RTN1: variants seen among roughly 807,000 people sequenced by gnomAD.
The protein encoded by RTN1 is reticulon-1.
RTN1 carries 25 observed loss-of-function variants against 65.5 expected under a neutral mutation model. The ratio of observed to expected loss-of-function variants is 0.38; its 90% CI spans 0.28 to 0.53. The LOEUF (loss-of-function observed/expected upper bound fraction) is 0.53. Among genes scored for constraint, RTN1 ranks in the 20% least tolerant of loss-of-function variants. RTN1 has a pLI of 0.79. For synonymous variants in RTN1, 471 were observed against 447.6 expected (o/e 1.05, Z -0.66); for missense variants, 983 against 1,025.4 (o/e 0.96, Z 0.57).
chr14:59,672,131 G>C (rs1883518459), intron 3 of RTN1, among the ~76,000 whole-genome samples: 1 of 152,090 alleles, frequency 6.6e-6, no homozygotes, highest in African/African-American at 2.4e-5. Flanking sequence ...CCCTGGCTTT[G>C]CTACTTATCA....
intron 1 of RTN1, among the ~76,000 whole-genome samples, chr14:59,806,205 C>T (rs1320357511): frequency 1.3e-5 from 2 of 151,716 alleles, no homozygotes; most frequent in African/African-American, 4.8e-5. Context: ...CACTGCACTC[C>T]AGCCTGGTGA....
In RTN1 at chr14:59,603,755, A is replaced by G. The variant is rs1321914752; in HGVS notation, c.2182+97T>C. 3 of 873,004 alleles carry G rather than the reference A, an allele frequency of 3.4e-6. No homozygotes were observed. In the African/African-American group the frequency reaches 5.0e-5, roughly 15 times the overall value. 54.1% of individuals were successfully genotyped at this position (873,004 alleles called of 1,614,324 possible). On this transcript the variant is annotated intron_variant, in intron 6 of 8. Coordinates refer to ENST00000267484, the MANE Select transcript of RTN1 (RefSeq NM_021136.3). ...TCAGGGATATCTGGCATTTGTTCCT[A>G]GGAATCTCTTTAAACAAACAAAAAG...
chr14:59,744,889 A>G (rs1390216215), intron 2 of RTN1, among the ~76,000 whole-genome samples: 1 of 152,146 alleles, frequency 6.6e-6, no homozygotes, highest in Non-Finnish European at 1.5e-5. Context: ...CTATAGTTTG[A>G]ATGTCCCTTC....
intron 3 of RTN1, among the ~76,000 whole-genome samples, chr14:59,700,847 A>G (rs1884163248): frequency 2.0e-5 from 3 of 152,212 alleles, no homozygotes; most frequent in Admixed American, 1.3e-4. Context: ...GAGAAGCAGC[A>G]AAATAAAAAT....
chr14:59,666,228 C>A (rs891258670), intron 3 of RTN1, among the ~76,000 whole-genome samples: 1 of 152,056 alleles, frequency 6.6e-6, no homozygotes, highest in Non-Finnish European at 1.5e-5. Flanking sequence ...GAACAGAAAT[C>A]ACAACAAACT....
intron 1 of RTN1, among the ~76,000 whole-genome samples, chr14:59,839,211 A>C (rs560307678): frequency 1.3e-5 from 2 of 152,282 alleles, no homozygotes; most frequent in African/African-American, 4.8e-5. Context: ...CTATTTTTTC[A>C]TGTTCCTAAC....
intron 2 of RTN1, among the ~76,000 whole-genome samples, chr14:59,743,342 T>C (rs1368516323): frequency 6.6e-6 from 1 of 152,234 alleles, no homozygotes; most frequent in East Asian, 1.9e-4. Flanking sequence ...AGACCTATAC[T>C]TGCTAGGGCA....
chr14:59,720,934 A>G (rs1009488539), intron 3 of RTN1, among the ~76,000 whole-genome samples: 1 of 152,160 alleles, frequency 6.6e-6, no homozygotes, highest in Non-Finnish European at 1.5e-5. Context: ...AGACTTTCCA[A>G]GAATCTTTAT....
In RTN1 at chr14:59,717,114, C is replaced by T. The variant is rs72716159; in HGVS notation, c.1765+9805G>A. 5.7e-3 allele frequency among the ~76,000 whole-genome samples: 862 copies of T among 152,092 alleles called. 4 individuals are homozygous for T. The highest frequency in any genetic ancestry group is 7.2e-3 in the Non-Finnish European group (489 of 68,004). On this transcript the variant is annotated intron_variant, in intron 3 of 8. Transcript: ENST00000267484. ...TTTCTGCTTTACTTGATTTTCTTTG[C>T]GTTTTCAGAAGTAGAATCAAACTGA...
At chr14:59,733,752 G>A (rs1352411340) in intron 2 of RTN1, among the ~76,000 whole-genome samples, 1 of 152,240 alleles carries the variant, frequency 6.6e-6, no homozygotes, top group East Asian at 1.9e-4. Context: ...TGAAATGCCT[G>A]AGGGACAGGA....
Position 59,870,562 on chromosome 14 carries a change from C to A in RTN1, c.69G>T (p.Arg23Ser). The A allele has an allele frequency of 6.9e-7, 1 of 1,457,222 alleles. No individual in the cohort carries two copies. Among genetic ancestry groups the A allele is most frequent in the African/African-American group, 1.5e-5 (1 of 68,088 alleles). The allele number at this position is 1,457,222 out of a possible 1,614,324, so 90.3% of individuals were successfully genotyped here. A position where few individuals can be genotyped will look rare whatever the true frequency, so the allele number is the denominator to read the frequency against. Reference protein sequence around the residue: ...PLAGPGSQWLRHRGEGENEAV... With the variant: ...PLAGPGSQWLSHRGEGENEAV... Reference sequence around the variant, plus strand: ...CTTCGTTCTCCCCCTCCCCCCGGTGCCTGAGCCACTGGGACCCGGGGCCGG... The same window carrying A: ...CTTCGTTCTCCCCCTCCCCCCGGTGACTGAGCCACTGGGACCCGGGGCCGG... Residue 23 changes from arginine to serine, a missense_variant, in exon 1 of 9, where the codon AGG (arginine) becomes AGT (serine). Physicochemically the swap from Arg to Ser is moderately radical, Grantham distance 110. This residue lies in a region of RTN1 where 818 missense variants were observed against 801.8 expected (regional missense o/e 1.02). Coordinates refer to ENST00000267484, the MANE Select transcript of RTN1 (RefSeq NM_021136.3). The surrounding 1 kb of genome is among the most constrained non-coding windows in gnomAD (Gnocchi z 5.1).
intron 1 of RTN1, among the ~76,000 whole-genome samples, chr14:59,812,206 C>T (rs1886742045): frequency 6.6e-6 from 1 of 152,136 alleles, no homozygotes; most frequent in African/African-American, 2.4e-5. Flanking sequence ...TCCTAAAAAT[C>T]ACCACACCAC....
intron 6 of RTN1, 113 bp from the exon 7 acceptor site, chr14:59,603,371 C>T (rs1881641239): frequency 2.6e-6 from 2 of 762,336 alleles, no homozygotes; most frequent in Middle Eastern, 8.0e-4. Flanking sequence ...GAATATACAG[C>T]ATTTTATTTT....
chr14:59,838,873 T>G (rs1303466278), intron 1 of RTN1, among the ~76,000 whole-genome samples: 1 of 152,170 alleles, frequency 6.6e-6, no homozygotes, highest in African/African-American at 2.4e-5. Context: ...TAGTTGTATT[T>G]CTGTCCTACA....
intron 1 of RTN1, among the ~76,000 whole-genome samples, chr14:59,812,913 T>C (rs1220374757): frequency 6.6e-6 from 1 of 152,210 alleles, no homozygotes; most frequent in African/African-American, 2.4e-5. Flanking sequence ...GTTTTGCTGA[T>C]TATCTCACTG....
At chr14:59,750,095 T>A (rs1463667979) in intron 1 of RTN1, among the ~76,000 whole-genome samples, 2 of 59,306 alleles carry the variant, frequency 3.4e-5, no homozygotes, top group Non-Finnish European at 5.2e-5. Context: ...ACATATATAT[T>A]ATATATTATA....
chr14:59,607,511 A>G lies in RTN1; in HGVS notation c.1766-19T>C. ...TCAATAGCTGCAGGAGACACCAAACACACCCAGCTGAGCTCCCGCAGTGCC... is the reference window on the plus strand; with the variant it reads ...TCAATAGCTGCAGGAGACACCAAACGCACCCAGCTGAGCTCCCGCAGTGCC... On this transcript the variant is annotated intron_variant, in intron 3 of 8. Coordinates refer to ENST00000267484, the MANE Select transcript of RTN1 (RefSeq NM_021136.3). The G allele has an allele frequency of 1.9e-6, 3 of 1,584,204 alleles. No homozygotes were observed. The highest frequency in any genetic ancestry group is 2.6e-6 in the Non-Finnish European group (3 of 1,164,724).
rs527699682 is a variant in RTN1, at chr14:59,607,488, A to C, written c.1770T>G (p.Ile590Met). Residue 590 changes from isoleucine to methionine, a missense_variant, in exon 4 of 9, where the codon ATT (isoleucine) becomes ATG (methionine). Ile to Met is a conservative substitution (Grantham distance 10). Around this residue, in one of 2 missense-constraint regions of RTN1, gnomAD observed 818 missense variants for 801.8 expected, o/e 1.02. Transcript: ENST00000267484. ...PLLFLNKQKA[I>M]DLLYWRDIKQ... ...TGATGTCCCGCCAATACAACAGGTCAATAGCTGCAGGAGACACCAAACACA... is the reference window on the plus strand; with the variant it reads ...TGATGTCCCGCCAATACAACAGGTCCATAGCTGCAGGAGACACCAAACACA... 6.2e-7 allele frequency: 1 copy of C among 1,604,444 alleles called. No individual in the cohort carries two copies. The highest frequency in any genetic ancestry group is 8.5e-7 in the Non-Finnish European group (1 of 1,175,332).
At chr14:59,834,948 C>G (rs1887188739) in intron 1 of RTN1, among the ~76,000 whole-genome samples, 1 of 152,312 alleles carries the variant, frequency 6.6e-6, no homozygotes, top group South Asian at 2.1e-4. Flanking sequence ...TTTGCAGTTT[C>G]TTGGAAGGTT....
Sources: gnomAD v4.1 joint callset for allele counts (sites outside exome capture counted in the v4.1 genomes callset) on GRCh38, gnomAD v4.1.1 for gene constraint, gnomAD v4.1.1 regional missense constraint, Gnocchi (gnomAD v3.1) non-coding constraint, MANE v1.5 for transcripts, NCBI Gene and HGNC (gene_info 2026-07-23, HGNC 2026-07-21) for gene names.